Variants in UBAP2 observed in about 807,000 individuals in gnomAD.
UBAP2 encodes ubiquitin associated protein 2.
A neutral mutation model predicts 139.6 loss-of-function variants in UBAP2; 75 were observed. The observed-to-expected ratio is 0.54, with a 90% CI of 0.45 to 0.65. UBAP2 has a LOEUF of 0.65. UBAP2 is among the 30% of genes least tolerant of loss of function. The pLI, the probability that UBAP2 is intolerant of heterozygous loss-of-function variation, is 0.00. For synonymous variants in UBAP2, 526 were observed against 526.2 expected, an observed-to-expected ratio of 1.00 and a Z score of 0.01; for missense variants, 1,368 against 1,369.6, an observed-to-expected ratio of 1.00 and a Z score of 0.02.
chr9:33,970,207 C>T (rs1438364358), intron 8 of UBAP2, among the ~76,000 whole-genome samples: 1 of 151,704 alleles, frequency 6.6e-6, no homozygotes. Context: ...TCTATATGAT[C>T]CATATCAATA....
intron 1 of UBAP2, among the ~76,000 whole-genome samples, chr9:34,018,117 T>C (rs1824547163): frequency 6.6e-6 from 1 of 151,362 alleles, no homozygotes; most frequent in Admixed American, 6.6e-5. Context: ...AGCCCAAGAG[T>C]TTGAGACCAG....
intron 6 of UBAP2, among the ~76,000 whole-genome samples, chr9:33,984,123 C>T (rs1196872580): frequency 6.6e-6 from 1 of 151,786 alleles, no homozygotes; most frequent in Non-Finnish European, 1.5e-5. Flanking sequence ...AGGGTGGTCT[C>T]GAACTACTAA....
chr9:33,972,523 G>C (rs1827990666), intron 7 of UBAP2, among the ~76,000 whole-genome samples: 3 of 152,308 alleles, frequency 2.0e-5, no homozygotes, highest in South Asian at 4.1e-4. Context: ...AAGTTAGAGA[G>C]AGACAAAGGG....
At position 34,045,514 on chromosome 9, in the gene UBAP2, C is replaced by T. The variant is rs185361346; in HGVS notation, c.-42+3311G>A. ...TCAGCCTCTGGAGCAGCTGGGACTA[C>T]AGGCACGCGCCACCACACCAGGCTC... On this transcript the variant is annotated intron_variant, in intron 1 of 28. Coordinates refer to ENST00000379238, the MANE Select transcript of UBAP2 (RefSeq NM_001370062.2). Among the ~76,000 whole-genome samples, 10 of 152,100 alleles carry T rather than the reference C, an allele frequency of 6.6e-5. No homozygotes were observed. In the East Asian group the frequency reaches 1.9e-3, roughly 29 times the overall value.
chr9:33,956,749 C>G (rs1795516781), intron 10 of UBAP2, among the ~76,000 whole-genome samples: 1 of 152,156 alleles, frequency 6.6e-6, no homozygotes, highest in African/African-American at 2.4e-5. Context: ...CGCAGACTCA[C>G]TTCTCTATTT....
chr9:33,959,933 G>C (rs1230296764), intron 10 of UBAP2, among the ~76,000 whole-genome samples: 1 of 151,918 alleles, frequency 6.6e-6, no homozygotes, highest in Non-Finnish European at 1.5e-5. Flanking sequence ...CTTAACACCT[G>C]GTAAATTTTG....
Position 33,923,266 on chromosome 9 carries a change from G to A in UBAP2, c.2924C>T (p.Ala975Val). 1 of 1,614,218 alleles carries A rather than the reference G, an allele frequency of 6.2e-7. No individual in the cohort carries two copies. Among genetic ancestry groups the A allele is most frequent in the South Asian group, 1.1e-5 (1 of 91,090 alleles). ...TGYDDLTQGTAAGDYSKGGYA... is the reference protein window; with the variant it reads ...TGYDDLTQGTVAGDYSKGGYA... ...GCCACCTTTGGAGTAGTCTCCTGCT[G>A]CTGTCCCCTGGGTCAGGTCGTCATA... The change falls in exon 26 of 29, where the codon GCA becomes GTA. Residue 975 changes from alanine to valine, a missense_variant. Coordinates refer to ENST00000379238, the MANE Select transcript of UBAP2 (RefSeq NM_001370062.2).
At chr9:34,003,260 A>G (rs1226432456) in intron 2 of UBAP2, among the ~76,000 whole-genome samples, 1 of 150,300 alleles carries the variant, frequency 6.7e-6, no homozygotes, top group Non-Finnish European at 1.5e-5. Flanking sequence ...TGAACGTCTG[A>G]CCTCGAGTGA....
intron 2 of UBAP2, among the ~76,000 whole-genome samples, chr9:34,003,534 T>C (rs1329386929): frequency 6.6e-6 from 1 of 151,832 alleles, no homozygotes; most frequent in Non-Finnish European, 1.5e-5. Flanking sequence ...GCCTCCCCAG[T>C]AGCTGAGATT....
At position 33,948,506 on chromosome 9, in the gene UBAP2, A is replaced by G. The variant is rs1429701449; in HGVS notation, c.1138T>C (p.Leu380=). ...AACTGGCCCAAACTCGGAGCTTTCA[A>G]CTGGTCCAAAATCTGGGAGCTGGTG... ...NITSSQILDQ[L]KAPSLGQFTT... The change falls in exon 13 of 29, where the codon TTG becomes CTG. Residue 380 remains leucine, a synonymous_variant. Transcript: ENST00000379238. 6.2e-7 allele frequency: 1 copy of G among 1,614,056 alleles called. No individual in the cohort carries two copies. The highest frequency in any genetic ancestry group is 8.5e-7 in the Non-Finnish European group (1 of 1,180,032).
intron 4 of UBAP2, chr9:33,994,761 G>A (rs1439172450): frequency 6.6e-6 from 1 of 151,516 alleles, no homozygotes; most frequent in Non-Finnish European, 1.5e-5. Flanking sequence ...CACTCAAACA[G>A]TGAAATCTTT....
intron 1 of UBAP2, among the ~76,000 whole-genome samples, chr9:34,035,853 G>A (rs1027260440): frequency 6.6e-6 from 1 of 150,588 alleles, no homozygotes; most frequent in Non-Finnish European, 1.5e-5. Context: ...TTGCCTTCAC[G>A]TTCCACAGGC....
chr9:33,982,356 T>A (rs1478092174), intron 6 of UBAP2, among the ~76,000 whole-genome samples: 2 of 152,222 alleles, frequency 1.3e-5, no homozygotes, highest in Non-Finnish European at 2.9e-5. Context: ...ATGCAAACTC[T>A]GCTCCACACT....
chr9:33,995,572 A>G (rs185781383), intron 4 of UBAP2: 1,695 of 134,242 alleles, frequency 0.013, 35 homozygotes, highest in African/African-American at 0.044. Context: ...AATTTAATTT[A>G]AAATTAAATT....
At chr9:33,985,896 C>A (rs1221506928) in intron 6 of UBAP2, among the ~76,000 whole-genome samples, 1 of 151,622 alleles carries the variant, frequency 6.6e-6, no homozygotes, top group African/African-American at 2.4e-5. Flanking sequence ...GTGGCGTGCA[C>A]CTGTAGTCCC....
chr9:34,039,764 C>T (rs1333839313), intron 1 of UBAP2, among the ~76,000 whole-genome samples: 1 of 147,880 alleles, frequency 6.8e-6, no homozygotes, highest in Non-Finnish European at 1.5e-5. Context: ...ACTTGTTTAT[C>T]TGCTGACCTT....
intron 2 of UBAP2, among the ~76,000 whole-genome samples, chr9:34,009,345 C>T (rs904814930): frequency 5.3e-5 from 8 of 152,032 alleles, no homozygotes; most frequent in African/African-American, 4.8e-5. Flanking sequence ...GTGATCCACC[C>T]GTCTCAGCCT....
chr9:33,990,310 A>G (rs1220580821), intron 4 of UBAP2, among the ~76,000 whole-genome samples: 1 of 152,222 alleles, frequency 6.6e-6, no homozygotes, highest in Admixed American at 6.5e-5. Context: ...TATCCAAAGT[A>G]AACATTAGCA....
In UBAP2 at chr9:33,921,859, C is replaced by A. The variant is rs1324067102; in HGVS notation, c.*645G>T. On this transcript the variant is annotated 3_prime_UTR_variant, in exon 29 of 29. Transcript: ENST00000379238. ...TAACTCAGATTATTTTTTTTTTTTTCATGGTCAGCCAGTCTCTAGTAAGTC... is the reference window on the plus strand; with the variant it reads ...TAACTCAGATTATTTTTTTTTTTTTAATGGTCAGCCAGTCTCTAGTAAGTC... 1 of 147,288 alleles carries A rather than the reference C, an allele frequency of 6.8e-6. No homozygotes were observed. Among genetic ancestry groups the A allele is most frequent in the Non-Finnish European group, 1.5e-5 (1 of 66,786 alleles). 9.1% of individuals were successfully genotyped at this position (147,288 alleles called of 1,614,324 possible).
Sources: allele counts gnomAD v4.1 joint callset (sites outside exome capture counted in the v4.1 genomes callset), GRCh38; gene constraint gnomAD v4.1.1; transcripts MANE v1.5; gene names NCBI Gene and HGNC (gene_info 2026-07-23, HGNC 2026-07-21).